Variants in FBN1 observed in about 807,000 individuals in gnomAD.
FBN1 encodes the protein fibrillin-1.
FBN1 carries 29 observed loss-of-function variants against 365.1 expected under a neutral mutation model. That is an observed-to-expected ratio of 0.08 (90% CI 0.06 to 0.11). The LOEUF is 0.11. Ranked by LOEUF, FBN1 falls within the 10% of genes least tolerant of loss-of-function variation. The pLI, the probability that FBN1 is intolerant of heterozygous loss-of-function variation, is 1.00. For missense variants in FBN1, 2,476 were observed against 3,703.2 expected (o/e 0.67, Z 8.60); for synonymous variants, 1,210 against 1,270.5 (o/e 0.95, Z 1.01).
intron 18 of FBN1, among the ~76,000 whole-genome samples, chr15:48,498,100 G>T (rs1283879600): frequency 6.6e-6 from 1 of 152,098 alleles, no homozygotes; most frequent in Non-Finnish European, 1.5e-5. Flanking sequence ...TCATAGTCAA[G>T]GCAGGTGCAG....
chr15:48,605,904 C>T lies in FBN1; in HGVS notation c.346+4824G>A, dbSNP rs114287741. 4.9e-3 allele frequency among the ~76,000 whole-genome samples: 747 copies of T among 152,094 alleles called. 8 individuals are homozygous for T. Among genetic ancestry groups the T allele is most frequent in the African/African-American group, 0.017 (713 of 41,492 alleles). ...AATTATTTTAATGAAAAATAAGAAT[C>T]TGGACAAAAGATATAAAGAGACCTT... On this transcript the variant is annotated intron_variant, in intron 4 of 65. Coordinates refer to ENST00000316623, the MANE Select transcript of FBN1 (RefSeq NM_000138.5).
intron 53 of FBN1, among the ~76,000 whole-genome samples, chr15:48,436,213 A>G (rs1056002490): frequency 6.6e-6 from 1 of 152,206 alleles, no homozygotes. Context: ...AAAGGTAATT[A>G]GAAATGTTAT....
chr15:48,606,941 G>A (rs1168459298), intron 4 of FBN1, among the ~76,000 whole-genome samples: 1 of 152,138 alleles, frequency 6.6e-6, no homozygotes, highest in Admixed American at 6.5e-5. Context: ...CGGGAGTTCA[G>A]CCCCATTTTC....
intron 55 of FBN1, among the ~76,000 whole-genome samples, chr15:48,431,528 CATT>C (rs1484348861): frequency 1.3e-5 from 2 of 151,842 alleles, no homozygotes; most frequent in East Asian, 3.9e-4. Context: ...ATTATAACAG[CATT>C]ATAATCACAA....
chr15:48,465,328 C>T (rs948676514), intron 40 of FBN1, among the ~76,000 whole-genome samples: 2 of 152,170 alleles, frequency 1.3e-5, no homozygotes, highest in Non-Finnish European at 2.9e-5. Context: ...GGCTATGGTC[C>T]AGCAGAATAA....
intron 6 of FBN1, among the ~76,000 whole-genome samples, chr15:48,550,938 G>A (rs2044136171): frequency 6.6e-6 from 1 of 151,842 alleles, no homozygotes; most frequent in Non-Finnish European, 1.5e-5. Flanking sequence ...ATCCCCATGG[G>A]CCCATAATAA....
At chr15:48,564,221 C>T (rs960772241) in intron 6 of FBN1, among the ~76,000 whole-genome samples, 1 of 152,152 alleles carries the variant, frequency 6.6e-6, no homozygotes, top group South Asian at 2.1e-4. Flanking sequence ...CACCCATCAC[C>T]TTCATCATCA....
chr15:48,481,494 C>A lies in FBN1; in HGVS notation c.3964+161G>T, dbSNP rs34070783. Among the ~76,000 whole-genome samples, 16,823 of 152,052 alleles carry A rather than the reference C, an allele frequency of 0.11. 1,086 individuals carry two copies. Among genetic ancestry groups the A allele is most frequent in the Non-Finnish European group, 0.14 (9,283 of 67,956 alleles). Reference sequence around the variant, plus strand: ...AACTTGGATCCAATATAAACGATGACAAATTTCAAAGAAGTGGAAGCTAAA... The same window carrying A: ...AACTTGGATCCAATATAAACGATGAAAAATTTCAAAGAAGTGGAAGCTAAA... On this transcript the variant is annotated intron_variant, in intron 32 of 65. Transcript: ENST00000316623.
At chr15:48,466,101 G>T (rs981325680) in intron 38 of FBN1, among the ~76,000 whole-genome samples, 2 of 152,106 alleles carry the variant, frequency 1.3e-5, no homozygotes, top group Non-Finnish European at 2.9e-5. Context: ...CCACTCCCTG[G>T]TCTTACATGT....
intron 9 of FBN1, among the ~76,000 whole-genome samples, chr15:48,521,821 G>A (rs1384358992): frequency 6.6e-6 from 1 of 152,174 alleles, no homozygotes; most frequent in Middle Eastern, 3.2e-3. Context: ...ATTTTGAAAA[G>A]CAAATAATAT....
At chr15:48,560,877 AC>A (rs1194558022) in intron 6 of FBN1, among the ~76,000 whole-genome samples, 1 of 152,068 alleles carries the variant, frequency 6.6e-6, no homozygotes, top group Non-Finnish European at 1.5e-5. Flanking sequence ...CCCCTGTGTG[AC>A]CCTCTCTAAA....
intron 62 of FBN1, 96 bp downstream of exon 62, chr15:48,421,462 C>T (rs1275828254): frequency 7.5e-6 from 11 of 1,466,846 alleles, no homozygotes; most frequent in Non-Finnish European, 3.7e-6. Context: ...CTCAGATCTG[C>T]TATCTCATAG....
chr15:48,470,904 T>TG, intron 35 of FBN1, 148 bp from the exon 36 acceptor site: 2 of 910,030 alleles, frequency 2.2e-6, no homozygotes, highest in South Asian at 3.0e-5. Context: ...GACTTTTAGA[T>TG]GATTTGCCAT....
In FBN1 at chr15:48,497,296, C is replaced by T; in HGVS notation, c.2263G>A (p.Glu755Lys). Reference sequence around the variant, plus strand: ...CAGTTTTTCCCAGTTGAATCCACTTCATATCCTGAATTGCATATACATTTA... The same window carrying T: ...CAGTTTTTCCCAGTTGAATCCACTTTATATCCTGAATTGCATATACATTTA... The part of the protein sequence containing the change: ...TYKCICNSGY[E>K]VDSTGKNCVD... Residue 755 changes from glutamate to lysine, a missense_variant, in exon 19 of 66, where the codon GAA becomes AAA. Around this residue, in one of 5 missense-constraint regions of FBN1, gnomAD observed 1,780 missense variants for 2,840.8 expected, o/e 0.63. Transcript: ENST00000316623. The T allele has an allele frequency of 6.2e-7, 1 of 1,614,074 alleles. No individual in the cohort carries two copies. Among genetic ancestry groups the T allele is most frequent in the Non-Finnish European group, 8.5e-7 (1 of 1,179,992 alleles).
chr15:48,640,224 T>C (rs1890174469), intron 2 of FBN1, among the ~76,000 whole-genome samples: 1 of 152,212 alleles, frequency 6.6e-6, no homozygotes. Context: ...TCTTCAATGT[T>C]ACAAAATGAG....
chr15:48,555,984 ACT>A (rs1292309879), intron 6 of FBN1, among the ~76,000 whole-genome samples: 1 of 152,098 alleles, frequency 6.6e-6, no homozygotes, highest in Non-Finnish European at 1.5e-5. Flanking sequence ...CAAATAGAAG[ACT>A]CTATGCTAAA....
intron 51 of FBN1, 21 bp downstream of exon 51, chr15:48,437,747 A>G: frequency 6.2e-7 from 1 of 1,613,254 alleles, no homozygotes; most frequent in Non-Finnish European, 8.5e-7. Flanking sequence ...GCCCAGAGAG[A>G]AATGCAGATG....
chr15:48,459,291 C>T (rs2043264198), intron 43 of FBN1, among the ~76,000 whole-genome samples: 2 of 152,170 alleles, frequency 1.3e-5, no homozygotes, highest in Non-Finnish European at 2.9e-5. Flanking sequence ...AAAAACAAAG[C>T]AGCTAGGGCC....
chr15:48,631,788 C>CAGAGG (rs1889994144), intron 2 of FBN1, among the ~76,000 whole-genome samples: 1 of 152,178 alleles, frequency 6.6e-6, no homozygotes. Context: ...AATCCTTACT[C>CAGAGG]CAACAGAGGC....
Sources: allele counts gnomAD v4.1 joint callset (sites outside exome capture counted in the v4.1 genomes callset), GRCh38; gene constraint gnomAD v4.1.1; regional missense constraint gnomAD v4.1.1; transcripts MANE v1.5; gene names NCBI Gene and HGNC (gene_info 2026-07-23, HGNC 2026-07-21).